Variants in ELAVL4 observed in about 807,000 individuals in gnomAD.
The protein encoded by ELAVL4 is ELAV-like protein 4.
A neutral mutation model predicts 35.6 loss-of-function variants in ELAVL4; 1 was observed. The observed-to-expected ratio is 0.03, with a 90% CI of 0.01 to 0.13. The LOEUF is 0.13. Among genes scored for constraint, ELAVL4 ranks in the 10% least tolerant of loss-of-function variants. The pLI, the probability that ELAVL4 is intolerant of heterozygous loss-of-function variation, is 1.00. For missense variants in ELAVL4, 267 were observed against 464.9 expected (o/e 0.57, Z 3.91); for synonymous variants, 156 against 171.0 (o/e 0.91, Z 0.69).
intron 1 of ELAVL4, among the ~76,000 whole-genome samples, chr1:50,141,054 G>T (rs1427174642): frequency 1.3e-5 from 2 of 152,182 alleles, no homozygotes; most frequent in Non-Finnish European, 2.9e-5. Flanking sequence ...TTACTTTGCT[G>T]CAGCCTTGTT....
At chr1:50,152,814 T>C (rs761577399) in intron 2 of ELAVL4, among the ~76,000 whole-genome samples, 1 of 152,216 alleles carries the variant, frequency 6.6e-6, no homozygotes, top group Non-Finnish European at 1.5e-5. Context: ...AAGATATTTC[T>C]AGTTTGGAGA....
intron 2 of ELAVL4, among the ~76,000 whole-genome samples, chr1:50,157,212 G>T (rs993541770): frequency 6.6e-6 from 1 of 151,994 alleles, no homozygotes; most frequent in East Asian, 1.9e-4. Flanking sequence ...TCTTGTTCTC[G>T]GGCTAGCTAT....
intron 1 of ELAVL4, among the ~76,000 whole-genome samples, chr1:50,129,786 A>G (rs1670555911): frequency 6.6e-6 from 1 of 152,122 alleles, no homozygotes; most frequent in Non-Finnish European, 1.5e-5. Flanking sequence ...CAGCTCTTAG[A>G]TTAGTCAACT....
intron 1 of ELAVL4, among the ~76,000 whole-genome samples, chr1:50,087,219 T>A (rs1665287028): frequency 6.6e-6 from 1 of 152,214 alleles, no homozygotes; most frequent in Non-Finnish European, 1.5e-5. Flanking sequence ...TTTTAAAACA[T>A]GGCTTATTTT....
At chr1:50,108,820 C>T (rs142879142), upstream of ELAVL4, 2 of 679,178 alleles carry the variant, frequency 2.9e-6, no homozygotes, top group African/African-American at 3.9e-5. Context: ...ATTTAAATAG[C>T]ACCTGATGTT....
At position 50,109,015 on chromosome 1, in the gene ELAVL4, T is replaced by TCCCCCTCCCC; in HGVS notation, c.-170_-169insTCCCCCCCCC. ...GCTCCTTTTCTTTTTTTTCTTTCTC[T>TCCCCCTCCCC]CCCCCGCCCACCCCCCCAAAAATAA... On this transcript the variant is annotated 5_prime_UTR_variant, in exon 1 of 7. Transcript: ENST00000371824. 1 of 961,076 alleles carries TCCCCCTCCCC rather than the reference T, an allele frequency of 1.0e-6. No individual in the cohort carries two copies. Among genetic ancestry groups the TCCCCCTCCCC allele is most frequent in the Non-Finnish European group, 1.2e-6 (1 of 816,956 alleles). The allele number at this position is 961,076 out of a possible 1,614,324, so 59.5% of individuals were successfully genotyped here. A position where few individuals can be genotyped will look rare whatever the true frequency, so the allele number is the denominator to read the frequency against.
upstream of ELAVL4, among the ~76,000 whole-genome samples, chr1:50,103,672 G>T (rs1053637526): frequency 6.6e-6 from 1 of 152,184 alleles, no homozygotes; most frequent in African/African-American, 2.4e-5. Context: ...TTTAAATGGT[G>T]TGCTATAATC....
intron 1 of ELAVL4, among the ~76,000 whole-genome samples, chr1:50,076,891 A>T (rs1217966041): frequency 2.6e-5 from 4 of 152,142 alleles, no homozygotes; most frequent in Non-Finnish European, 5.9e-5. Context: ...AAAGACAAGG[A>T]GATGAGTTGT....
chr1:50,058,576 A>G (rs1243008640), intron 1 of ELAVL4, among the ~76,000 whole-genome samples: 3 of 152,072 alleles, frequency 2.0e-5, no homozygotes, highest in Non-Finnish European at 4.4e-5. Flanking sequence ...AAAAAAGTAA[A>G]AATGGACCTC....
chr1:50,052,819 A>G (rs1572094111), intron 1 of ELAVL4, among the ~76,000 whole-genome samples: 1 of 152,196 alleles, frequency 6.6e-6, no homozygotes, highest in African/African-American at 2.4e-5. Context: ...TCAGAGTATG[A>G]TATTTTATCC....
chr1:50,070,612 G>A (rs977291973), intron 1 of ELAVL4, among the ~76,000 whole-genome samples: 11 of 151,926 alleles, frequency 7.2e-5, no homozygotes, highest in South Asian at 4.2e-4. Context: ...CATGGTGACA[G>A]GCACCTGTAA....
At chr1:50,138,615 G>A (rs369383971) in intron 1 of ELAVL4, among the ~76,000 whole-genome samples, 10 of 151,926 alleles carry the variant, frequency 6.6e-5, no homozygotes, top group African/African-American at 1.9e-4. Flanking sequence ...ACAGGCACCC[G>A]CCATCATGCC....
chr1:50,169,001 A>AC, intron 2 of ELAVL4, among the ~76,000 whole-genome samples: 1 of 148,706 alleles, frequency 6.7e-6, no homozygotes, highest in East Asian at 2.0e-4. Flanking sequence ...TATATATATA[A>AC]AGAGGAGTTT....
At chr1:50,131,347 T>C (rs1406924193) in intron 1 of ELAVL4, among the ~76,000 whole-genome samples, 1 of 152,090 alleles carries the variant, frequency 6.6e-6, no homozygotes, top group Non-Finnish European at 1.5e-5. Flanking sequence ...TTTTGCCCAA[T>C]TAGTGAGTGT....
At chr1:50,166,881 C>A (rs932852496) in intron 2 of ELAVL4, among the ~76,000 whole-genome samples, 5 of 152,146 alleles carry the variant, frequency 3.3e-5, no homozygotes, top group Non-Finnish European at 5.9e-5. Context: ...GTCCAGGCAG[C>A]AATCTTAACT....
intron 1 of ELAVL4, among the ~76,000 whole-genome samples, chr1:50,119,802 A>G (rs1029230199): frequency 2.0e-5 from 3 of 151,842 alleles, no homozygotes; most frequent in Non-Finnish European, 4.4e-5. Context: ...ATCATCTTTC[A>G]TGTTCACTCA....
chr1:50,140,055 G>A (rs1672561923), intron 1 of ELAVL4, among the ~76,000 whole-genome samples: 1 of 152,144 alleles, frequency 6.6e-6, no homozygotes, highest in South Asian at 2.1e-4. Flanking sequence ...GTAGTGCTTT[G>A]TACATCCATT....
chr1:50,097,671 G>A (rs1171466238), intron 1 of ELAVL4, among the ~76,000 whole-genome samples: 1 of 152,076 alleles, frequency 6.6e-6, no homozygotes, highest in African/African-American at 2.4e-5. Context: ...AAGGCCCATT[G>A]TTCTAGGTAT....
chr1:50,072,621 G>T (rs1664582682), intron 1 of ELAVL4, among the ~76,000 whole-genome samples: 1 of 152,174 alleles, frequency 6.6e-6, no homozygotes, highest in Non-Finnish European at 1.5e-5. Flanking sequence ...TGTCTCAGTG[G>T]TTTCCTGATG....
Sources: gnomAD v4.1 joint callset for allele counts (sites outside exome capture counted in the v4.1 genomes callset) on GRCh38, gnomAD v4.1.1 for gene constraint, MANE v1.5 for transcripts, NCBI Gene and HGNC (gene_info 2026-07-23, HGNC 2026-07-21) for gene names.